Variants in TRRAP observed in about 807,000 individuals in gnomAD.
TRRAP encodes transformation/transcription domain-associated protein.
A neutral mutation model predicts 438.8 loss-of-function variants in TRRAP; 41 were observed. The ratio of observed to expected loss-of-function variants is 0.09; its 90% CI spans 0.07 to 0.12. TRRAP has a LOEUF of 0.12. Among genes scored for constraint, TRRAP ranks in the 10% least tolerant of loss-of-function variants. The pLI, the probability that TRRAP is intolerant of heterozygous loss-of-function variation, is 1.00. For synonymous variants in TRRAP, 1,994 were observed against 1,962.9 expected (o/e 1.02, Z -0.42); for missense variants, 3,122 against 5,055.1 (o/e 0.62, Z 11.60).
chr7:98,996,196 A>G (rs1793654205), intron 67 of TRRAP, among the ~76,000 whole-genome samples: 1 of 152,168 alleles, frequency 6.6e-6, no homozygotes. Flanking sequence ...TGTCCCATCT[A>G]CACACCCACA....
intron 14 of TRRAP, 44 bp downstream of exon 14, chr7:98,909,006 T>C (rs1354209222): frequency 2.0e-6 from 3 of 1,482,762 alleles, no homozygotes; most frequent in Non-Finnish European, 2.7e-6. Flanking sequence ...CACTCTATCC[T>C]GTTTGTGGCT....
In TRRAP at chr7:98,965,908, G is replaced by A. The variant is rs779407371; in HGVS notation, c.7176+13G>A. On this transcript the variant is annotated intron_variant, in intron 49 of 72. Coordinates refer to ENST00000456197, the MANE Select transcript of TRRAP (RefSeq NM_001375524.1). ...GGCAGCCAATCAGGTGAGCTGGGAC[G>A]GTGTGCCATGTGATCTCCCTTTCAA... 4.0e-5 allele frequency: 64 copies of A among 1,613,602 alleles called. No individual in the cohort carries two copies. Among genetic ancestry groups the A allele is most frequent in the African/African-American group, 3.2e-4 (24 of 74,898 alleles).
At position 98,912,159 on chromosome 7, in the gene TRRAP, G is replaced by A. The variant is rs782262488; in HGVS notation, c.2145G>A (p.Lys715=). The A allele has an allele frequency of 6.2e-7, 1 of 1,614,162 alleles. No homozygotes were observed. The highest frequency in any genetic ancestry group is 2.2e-5 in the East Asian group (1 of 44,882). ...CCAACCTGTACCTCAAGCTGTTCAAGCTGGTCTTTGGCTCTGTCTCCCTCT... is the reference window on the plus strand; with the variant it reads ...CCAACCTGTACCTCAAGCTGTTCAAACTGGTCTTTGGCTCTGTCTCCCTCT... ...ELSNLYLKLF[K]LVFGSVSLFA... The change falls in exon 18 of 73, where the codon AAG becomes AAA. Residue 715 remains lysine, a synonymous_variant. Transcript: ENST00000456197.
At chr7:98,961,685 C>T (rs546862113) in intron 46 of TRRAP, among the ~76,000 whole-genome samples, 20 of 152,242 alleles carry the variant, frequency 1.3e-4, no homozygotes, top group South Asian at 4.1e-4. Context: ...TTTGGGAGGC[C>T]GAGGCGGGCG....
intron 31 of TRRAP, 38 bp from the exon 32 acceptor site, chr7:98,945,709 A>G (rs782406925): frequency 1.9e-6 from 3 of 1,595,574 alleles, no homozygotes; most frequent in African/African-American, 2.7e-5. Context: ...TGTAAATAAC[A>G]TAAATAGAAA....
intron 4 of TRRAP, among the ~76,000 whole-genome samples, chr7:98,891,167 C>G (rs1486127887): frequency 6.8e-6 from 1 of 147,116 alleles, no homozygotes; most frequent in African/African-American, 2.5e-5. Flanking sequence ...TCATACCTCC[C>G]TACCTTGATC....
chr7:98,918,705 A>G (rs1789643323), intron 20 of TRRAP, among the ~76,000 whole-genome samples: 2 of 152,182 alleles, frequency 1.3e-5, no homozygotes, highest in South Asian at 2.1e-4. Context: ...CCAAAGGGAA[A>G]AAGAAGCAGA....
chr7:98,929,582 T>C (rs552816705), intron 23 of TRRAP, among the ~76,000 whole-genome samples: 2 of 152,174 alleles, frequency 1.3e-5, no homozygotes, highest in South Asian at 4.2e-4. Flanking sequence ...GTGGTGGCTT[T>C]TTATGGAGTT....
At chr7:98,890,541 A>G in intron 4 of TRRAP, 96 bp downstream of exon 4, 1 of 869,170 alleles carries the variant, frequency 1.2e-6, no homozygotes, top group Non-Finnish European at 1.6e-6. Flanking sequence ...CTTAAAAACG[A>G]AAGAGGTTTT....
chr7:98,909,023 T>C (rs2116399453), intron 14 of TRRAP, 61 bp downstream of exon 14: 1 of 1,285,540 alleles, frequency 7.8e-7, no homozygotes, highest in East Asian at 2.8e-5. Context: ...GGCTAAATTT[T>C]TTTTTTTTTT....
intron 39 of TRRAP, 130 bp from the exon 40 acceptor site, chr7:98,953,034 TGTG>T (rs1554418507): frequency 7.6e-4 from 3 of 3,942 alleles, no homozygotes; most frequent in African/African-American, 4.9e-3. Flanking sequence ...TGTTACATTG[TGTG>T]TGTGTGTGTG....
Position 98,937,283 on chromosome 7 carries a change from TGTGTGTGCGTGCGTGTATGCGCACGC to T in TRRAP, c.4233+15_4233+40del, listed in dbSNP as rs782751968. ...GAGAAGCCTGTATGAGAAAGGTGAG[TGTGTGTGCGTGCGTGTATGCGCACGC>T]GTGTGTGCACACACATGTGTGTGTA... On this transcript the variant is annotated splice_region_variant and intron_variant, in intron 29 of 72. Coordinates refer to ENST00000456197, the MANE Select transcript of TRRAP (RefSeq NM_001375524.1). 5.6e-6 allele frequency: 9 copies of T among 1,609,558 alleles called. No homozygotes were observed. Among genetic ancestry groups the T allele is most frequent in the African/African-American group, 1.3e-5 (1 of 74,646 alleles).
intron 20 of TRRAP, among the ~76,000 whole-genome samples, chr7:98,918,610 CCT>C (rs1362420388): frequency 6.6e-6 from 1 of 152,018 alleles, no homozygotes; most frequent in East Asian, 1.9e-4. Flanking sequence ...CCAGTGAGAA[CCT>C]CTCTATCCAG....
intron 30 of TRRAP, among the ~76,000 whole-genome samples, chr7:98,942,636 G>A (rs1337817867): frequency 6.6e-6 from 1 of 152,206 alleles, no homozygotes; most frequent in Non-Finnish European, 1.5e-5. Context: ...CCCAGTGTGG[G>A]AGCCGACACT....
At chr7:99,000,942 T>C (rs964266865) in intron 67 of TRRAP, among the ~76,000 whole-genome samples, 1 of 152,242 alleles carries the variant, frequency 6.6e-6, no homozygotes, top group Non-Finnish European at 1.5e-5. Flanking sequence ...TTAGCGCTTT[T>C]GTAATGATCT....
At position 98,928,178 on chromosome 7, in the gene TRRAP, T is replaced by C. The variant is rs1186179743; in HGVS notation, c.3175+812T>C. ...GCTTGAACCTGGGAGGCGGAGGTTGTGGTGAGCAGAGATCGTGCCATTGTT... is the reference window on the plus strand; with the variant it reads ...GCTTGAACCTGGGAGGCGGAGGTTGCGGTGAGCAGAGATCGTGCCATTGTT... On this transcript the variant is annotated intron_variant, in intron 23 of 72. Transcript: ENST00000456197. 2.0e-5 allele frequency among the ~76,000 whole-genome samples: 3 copies of C among 151,886 alleles called. No individual in the cohort carries two copies. The East Asian group carries it at 5.8e-4, about 29-fold the overall frequency.
intron 20 of TRRAP, 21 bp downstream of exon 20, chr7:98,917,700 T>C (rs1354838190): frequency 1.1e-5 from 18 of 1,607,572 alleles, no homozygotes; most frequent in Middle Eastern, 1.6e-4. Flanking sequence ...AGTGAGGTTG[T>C]TAGCTGGCTG....
intron 20 of TRRAP, among the ~76,000 whole-genome samples, chr7:98,918,810 C>T (rs1040506155): frequency 4.7e-4 from 72 of 152,024 alleles, no homozygotes; most frequent in African/African-American, 1.4e-3. Flanking sequence ...AATCCCAGCA[C>T]TATGGGAGGC....
chr7:98,993,648 A>G lies in TRRAP; in HGVS notation c.9958A>G (p.Met3320Val), dbSNP rs1408893998. The stretch of plus-strand genomic sequence containing the variant: ...GTGGCGCTGCAGCCGAATCATGCAC[A>G]TGCAGCGAGAGCTCCACCCCACCCT... ...PMWRCSRIMH[M>V]QRELHPTLLS... The change falls in exon 66 of 73, where the codon ATG becomes GTG. Residue 3320 changes from methionine (M) to valine (V), a missense_variant. Met to Val is a conservative substitution (Grantham distance 21). Around this residue, in one of 24 missense-constraint regions of TRRAP, gnomAD observed 107 missense variants for 327.5 expected, o/e 0.33. Transcript: ENST00000456197. 1.9e-6 allele frequency: 3 copies of G among 1,614,202 alleles called. No homozygotes were observed. Among genetic ancestry groups the G allele is most frequent in the Non-Finnish European group, 2.5e-6 (3 of 1,180,032 alleles).
Sources: gnomAD v4.1 joint callset for allele counts (sites outside exome capture counted in the v4.1 genomes callset) on GRCh38, gnomAD v4.1.1 for gene constraint, gnomAD v4.1.1 regional missense constraint, MANE v1.5 for transcripts, NCBI Gene and HGNC (gene_info 2026-07-23, HGNC 2026-07-21) for gene names.